Variants in COPS7A observed in about 807,000 individuals in gnomAD.
COPS7A encodes COP9 signalosome complex subunit 7a.
In COPS7A, 20 loss-of-function variants were observed where a neutral mutation model predicts 35.2. The observed-to-expected ratio is 0.57, with a 90% confidence interval of 0.40 to 0.83. COPS7A has a LOEUF of 0.83. Ranked by LOEUF, COPS7A falls within the 40% of genes least tolerant of loss-of-function variation. COPS7A has a pLI of 0.00. For synonymous variants in COPS7A, 139 were observed against 141.4 expected (o/e 0.98, Z 0.12); for missense variants, 247 against 347.5 (o/e 0.71, Z 2.30).
intron 1 of COPS7A, chr12:6,724,405 T>A: frequency 1.8e-6 from 1 of 567,818 alleles, no homozygotes; most frequent in Non-Finnish European, 3.3e-6. Context: ...GTGATGGGGC[T>A]TGGGGTTAGG....
intron 2 of COPS7A, 48 bp from the exon 3 acceptor site, chr12:6,727,878 G>A (rs751875264): frequency 1.9e-6 from 3 of 1,576,040 alleles, no homozygotes; most frequent in Admixed American, 3.3e-5. Flanking sequence ...GGCTGGGAGG[G>A]TGGAGAGGGA....
At chr12:6,730,314 G>A in intron 5 of COPS7A, 88 bp from the exon 6 acceptor site, 1 of 1,272,196 alleles carries the variant, frequency 7.9e-7, no homozygotes, top group East Asian at 2.3e-5. Context: ...ACTGCGCCCT[G>A]CCTCTAGGGT....
intron 3 of COPS7A, 102 bp downstream of exon 3, chr12:6,728,103 G>T: frequency 6.9e-7 from 1 of 1,459,376 alleles, no homozygotes; most frequent in Non-Finnish European, 9.6e-7. Context: ...TAGATCCCTG[G>T]ATGCATAGGG....
rs776503268 is a variant in COPS7A, at chr12:6,731,111, G to A, written c.*72G>A. 30 of 1,613,372 alleles carry A rather than the reference G, an allele frequency of 1.9e-5. No individual in the cohort carries two copies. In the Admixed American group the frequency reaches 4.2e-4, roughly 22 times the overall value. On this transcript the variant is annotated 3_prime_UTR_variant, in exon 8 of 8. Transcript: ENST00000543155. ...CCTGCCTCTTAGGAGTCCTCAGAGA[G>A]CCTTCTGTGCCCCTGGCCAGCTGAT... is the stretch of plus-strand genomic sequence containing the variant.
At position 6,726,602 on chromosome 12, in the gene COPS7A, CAAAAA is replaced by C. The variant is rs374195335; in HGVS notation, c.163-1317_163-1313del. On this transcript the variant is annotated intron_variant, in intron 2 of 7. Coordinates refer to ENST00000543155, the MANE Select transcript of COPS7A (RefSeq NM_001164094.2). ...TGGGCAACAGAGTGAGACTCTGTCTCAAAAAAAAAAATAAATAAATAAATAAAACA... is the reference window on the plus strand; with the variant it reads ...TGGGCAACAGAGTGAGACTCTGTCTCAAAAAATAAATAAATAAATAAAACA... 2.2e-4 allele frequency among the ~76,000 whole-genome samples: 30 copies of C among 137,866 alleles called. No homozygotes were observed. In the South Asian group the frequency reaches 5.5e-3, roughly 25 times the overall value. 90.4% of individuals were successfully genotyped at this position (137,866 alleles called of 152,430 possible).
rs774375349 is a variant in COPS7A, at chr12:6,728,010, A to C, written c.238+9A>C. The stretch of plus-strand genomic sequence containing the variant: ...ATACGCTGACTACTTAGGTAACCAG[A>C]GGGGTTGGTGCTCTGGAGTAATGGA... On this transcript the variant is annotated intron_variant, in intron 3 of 7. Transcript: ENST00000543155. 3 of 1,613,858 alleles carry C rather than the reference A, an allele frequency of 1.9e-6. No individual in the cohort carries two copies. In the South Asian group the frequency reaches 3.3e-5, roughly 18 times the overall value.
Position 6,730,458 on chromosome 12 carries a change from A to G in COPS7A, c.587A>G (p.Asn196Ser), listed in dbSNP as rs767878807. ...ATTGAGGAGCAGGTGAGCCGTGCCA[A>G]CCAACACAAGGAGCAGCAGCTGGGC... Reference protein sequence around the residue: ...SGIEEQVSRANQHKEQQLGLK... With the variant: ...SGIEEQVSRASQHKEQQLGLK... Residue 196 changes from asparagine to serine, a missense_variant, in exon 6 of 8, where the codon AAC (asparagine) becomes AGC (serine). Asn to Ser is a conservative substitution (Grantham distance 46). Transcript: ENST00000543155. 1.6e-5 allele frequency: 26 copies of G among 1,614,000 alleles called. No individual in the cohort carries two copies. The highest frequency in any genetic ancestry group is 6.7e-5 in the Admixed American group (4 of 59,988).
rs1413537342 is a variant in COPS7A, at chr12:6,731,741, T to G, written c.*702T>G. On this transcript the variant is annotated 3_prime_UTR_variant, in exon 8 of 8. Transcript: ENST00000543155. ...ATGGCAATCCTGGAAGGGTTTAATCTCCTTTTGTGAGTTTGGTGGGGAAGG... is the reference window on the plus strand; with the variant it reads ...ATGGCAATCCTGGAAGGGTTTAATCGCCTTTTGTGAGTTTGGTGGGGAAGG... 3.3e-5 allele frequency: 5 copies of G among 152,474 alleles called. No homozygotes were observed. The highest frequency in any genetic ancestry group is 2.6e-4 in the Admixed American group (4 of 15,220). The allele number at this position is 152,474 out of a possible 1,614,324, so 9.4% of individuals were successfully genotyped here.
Position 6,724,733 on chromosome 12 carries a change from C to T in COPS7A, c.77C>T (p.Ala26Val), listed in dbSNP as rs1941206789. The change falls in exon 2 of 8, where the codon GCG (alanine) becomes GTG (valine). Residue 26 changes from alanine to valine, a missense_variant. Ala to Val is a moderately conservative substitution (Grantham distance 64). Coordinates refer to ENST00000543155, the MANE Select transcript of COPS7A (RefSeq NM_001164094.2). Reference protein sequence around the residue: ...LLLAKSAKGAALATLIHQVLE... With the variant: ...LLLAKSAKGAVLATLIHQVLE... ...CTAGCCAAGTCGGCCAAGGGGGCAG[C>T]GCTGGCCACACTCATCCATCAGGTG... The T allele has an allele frequency of 6.2e-7, 1 of 1,614,162 alleles. No individual in the cohort carries two copies. The highest frequency in any genetic ancestry group is 8.5e-7 in the Non-Finnish European group (1 of 1,180,014).
At chr12:6,728,970 A>G in intron 4 of COPS7A, 2 of 455,910 alleles carry the variant, frequency 4.4e-6, no homozygotes, top group Non-Finnish European at 4.1e-6. Flanking sequence ...AGTGACACCC[A>G]GGCAGATGTC....
intron 2 of COPS7A, among the ~76,000 whole-genome samples, chr12:6,726,186 C>T (rs920878898): frequency 2.0e-5 from 3 of 151,778 alleles, no homozygotes; most frequent in African/African-American, 7.3e-5. Context: ...TGGTGGCGGG[C>T]GCCTGTAGTC....
Position 6,727,915 on chromosome 12 carries a change from C to T in COPS7A, c.163-11C>T. 3 of 1,614,000 alleles carry T rather than the reference C, an allele frequency of 1.9e-6. No individual in the cohort carries two copies. Among genetic ancestry groups the T allele is most frequent in the Non-Finnish European group, 1.7e-6 (2 of 1,179,918 alleles). ...GACTTCCCGTCACCTCCTTTTTCCT[C>T]ATTCTCGCAGCTGGCTGAGAGTGAC... is the stretch of plus-strand genomic sequence containing the variant. On this transcript the variant is annotated splice_polypyrimidine_tract_variant and intron_variant, in intron 2 of 7. Transcript: ENST00000543155.
At chr12:6,727,163 C>A (rs989233037) in intron 2 of COPS7A, among the ~76,000 whole-genome samples, 4 of 151,996 alleles carry the variant, frequency 2.6e-5, no homozygotes, top group Non-Finnish European at 5.9e-5. Flanking sequence ...GTGGCGAAAC[C>A]CTGTTTCTAC....
chr12:6,726,193 A>ACCACCTTGGAAG (rs1941249171), intron 2 of COPS7A, among the ~76,000 whole-genome samples: 1 of 152,090 alleles, frequency 6.6e-6, no homozygotes, highest in Non-Finnish European at 1.5e-5. Context: ...GGGCGCCTGT[A>ACCACCTTGGAAG]GTCCCAGCTG....
At chr12:6,728,089 C>A in intron 3 of COPS7A, 88 bp downstream of exon 3, 1 of 1,482,332 alleles carries the variant, frequency 6.7e-7, no homozygotes. Context: ...TGGGATATCC[C>A]ACTTAGATCC....
At chr12:6,724,423 G>C (rs1007116619) in intron 1 of COPS7A, 191 bp from the exon 2 acceptor site, 12 of 576,024 alleles carry the variant, frequency 2.1e-5, no homozygotes, top group African/African-American at 2.1e-4. Flanking sequence ...AGGCCCAGGG[G>C]AGGGGGTGGG....
chr12:6,724,932 C>A, intron 2 of COPS7A, 114 bp downstream of exon 2: 1 of 1,161,146 alleles, frequency 8.6e-7, no homozygotes, highest in Non-Finnish European at 1.2e-6. Flanking sequence ...AACAAGAAAA[C>A]AGTGATAATT....
intron 2 of COPS7A, among the ~76,000 whole-genome samples, chr12:6,725,191 C>T (rs1182998735): frequency 2.0e-5 from 3 of 146,714 alleles, no homozygotes; most frequent in African/African-American, 7.6e-5. Flanking sequence ...GAGTCTTGCT[C>T]TGTCACCCAG....
Position 6,731,229 on chromosome 12 carries a change from G to C in COPS7A, c.*190G>C. 6.8e-7 allele frequency: 1 copy of C among 1,470,714 alleles called. No homozygotes were observed. Among genetic ancestry groups the C allele is most frequent in the South Asian group, 1.3e-5 (1 of 74,426 alleles). The allele number at this position is 1,470,714 out of a possible 1,614,324, so 91.1% of individuals were successfully genotyped here. The stretch of plus-strand genomic sequence containing the variant: ...GGCAAATGTAGGTCATGTTTTTGTT[G>C]GTACTTTCTGTTTTTTGTGACTTCA... On this transcript the variant is annotated 3_prime_UTR_variant, in exon 8 of 8. Transcript: ENST00000543155.
Sources: gnomAD v4.1 joint callset for allele counts (sites outside exome capture counted in the v4.1 genomes callset) on GRCh38, gnomAD v4.1.1 for gene constraint, MANE v1.5 for transcripts, NCBI Gene and HGNC (gene_info 2026-07-23, HGNC 2026-07-21) for gene names.